Variants in PRIM2 observed in about 807,000 individuals in gnomAD.
The protein encoded by PRIM2 is DNA primase subunit 2, also known as DNA primase large subunit.
A neutral mutation model predicts 67.3 loss-of-function variants in PRIM2; 39 were observed. The ratio of observed to expected loss-of-function variants is 0.58; its 90% CI spans 0.45 to 0.76. The LOEUF (loss-of-function observed/expected upper bound fraction) is 0.76. Ranked by LOEUF, PRIM2 falls within the 30% of genes least tolerant of loss-of-function variation. The probability of loss-of-function intolerance (pLI) is 0.00; values close to 1 mark genes in which losing one functional copy is unlikely to be tolerated. For synonymous variants in PRIM2, 143 were observed against 198.7 expected, an observed-to-expected ratio of 0.72 and a Z score of 2.36; for missense variants, 398 against 598.7, an observed-to-expected ratio of 0.66 and a Z score of 3.50.
At chr6:57,618,150 G>C (rs1776787091) in intron 12 of PRIM2, among the ~76,000 whole-genome samples, 1 of 152,144 alleles carries the variant, frequency 6.6e-6, no homozygotes, top group African/African-American at 2.4e-5. Flanking sequence ...ACCTTGTACT[G>C]AGCTTTGAAA....
In PRIM2 at chr6:57,329,373, C is replaced by T. The variant is rs556609636; in HGVS notation, c.459+3328C>T. 2.2e-3 allele frequency among the ~76,000 whole-genome samples: 330 copies of T among 152,166 alleles called. 7 individuals are homozygous for T. The highest frequency in any genetic ancestry group is 3.4e-3 in the Middle Eastern group (1 of 294). ...CTTTTGCATGTAGATATCTAGTTGT[C>T]CCAGCATCATTTGTTGAAATAACCA... On this transcript the variant is annotated intron_variant, in intron 5 of 13. Transcript: ENST00000615550.
At chr6:57,588,155 G>T (rs1206143176) in intron 10 of PRIM2, among the ~76,000 whole-genome samples, 11 of 152,094 alleles carry the variant, frequency 7.2e-5, no homozygotes, top group Middle Eastern at 3.2e-3. Flanking sequence ...AAGACTCAGG[G>T]GTGGGTAGAA....
intron 7 of PRIM2, among the ~76,000 whole-genome samples, chr6:57,496,101 G>A (rs1201411378): frequency 6.6e-6 from 1 of 152,180 alleles, no homozygotes; most frequent in Admixed American, 6.5e-5. Context: ...CAAATTGGGG[G>A]AAAAAGAGTT....
intron 7 of PRIM2, among the ~76,000 whole-genome samples, chr6:57,462,828 A>G (rs1773052198): frequency 6.6e-6 from 1 of 152,184 alleles, no homozygotes; most frequent in South Asian, 2.1e-4. Flanking sequence ...ATTCCTCTTG[A>G]AAGTAGAGTC....
intron 10 of PRIM2, among the ~76,000 whole-genome samples, chr6:57,544,128 G>A (rs1775237104): frequency 6.6e-6 from 1 of 152,172 alleles, no homozygotes; most frequent in African/African-American, 2.4e-5. Flanking sequence ...CCTGAGTGGG[G>A]CTTCTGGCCG....
chr6:57,381,414 C>T (rs62418052), intron 6 of PRIM2, among the ~76,000 whole-genome samples: 6 of 151,996 alleles, frequency 3.9e-5, no homozygotes, highest in Non-Finnish European at 5.9e-5. Context: ...TATCATACTT[C>T]GCTCATCTCT....
rs56228565 is a variant in PRIM2 at position 57,380,742 on chromosome 6, C to T, written c.555+746C>T. On this transcript the variant is annotated intron_variant, in intron 6 of 13. Transcript: ENST00000615550. ...CCATCATTCAGTCAGCCTTTCAAGC[C>T]TAGAGTGTGGTGATCAATATTTATT... 7.5e-3 allele frequency among the ~76,000 whole-genome samples: 1,063 copies of T among 142,352 alleles called. 4 individuals are homozygous for T. Among genetic ancestry groups the T allele is most frequent in the East Asian group, 9.0e-3 (44 of 4,868 alleles). The allele number at this position is 142,352 out of a possible 152,430, so 93.4% of individuals were successfully genotyped here.
chr6:57,637,183 A>G (rs1777136564), intron 13 of PRIM2, among the ~76,000 whole-genome samples: 1 of 152,200 alleles, frequency 6.6e-6, no homozygotes, highest in Non-Finnish European at 1.5e-5. Context: ...TCAGAAGGAA[A>G]ATTAACAAAC....
At chr6:57,360,509 C>G (rs9370588) in intron 5 of PRIM2, among the ~76,000 whole-genome samples, 1 of 152,070 alleles carries the variant, frequency 6.6e-6, no homozygotes, top group South Asian at 2.1e-4. Flanking sequence ...TTTCGTAAGT[C>G]CAGGAAAGCA....
chr6:57,360,389 A>G (rs1005616451), intron 5 of PRIM2, among the ~76,000 whole-genome samples: 1 of 152,156 alleles, frequency 6.6e-6, no homozygotes, highest in African/African-American at 2.4e-5. Flanking sequence ...GGCTCTTGAT[A>G]TATGGAGTTT....
intron 7 of PRIM2, among the ~76,000 whole-genome samples, chr6:57,455,800 T>C (rs1183882882): frequency 6.6e-6 from 1 of 152,230 alleles, no homozygotes; most frequent in African/African-American, 2.4e-5. Flanking sequence ...AAAGTTAATA[T>C]TGTTATTTGT....
Position 57,585,404 on chromosome 6 carries a change from G to A in PRIM2, c.1021-15689G>A, listed in dbSNP as rs1272499568. Among the ~76,000 whole-genome samples, 212 of 152,328 alleles carry A rather than the reference G, an allele frequency of 1.4e-3. 5 individuals are homozygous for A. The East Asian group carries it at 0.019, about 14-fold the overall frequency. On this transcript the variant is annotated intron_variant, in intron 10 of 13. Coordinates refer to ENST00000615550, the MANE Select transcript of PRIM2 (RefSeq NM_000947.5). ...CTGTAATAGGGGAAGAGAGACCTTA[G>A]TATAGAACAGGGTTCAATTCTGAAT...
In PRIM2 at chr6:57,506,922, G is replaced by A. The variant is rs1255665173; in HGVS notation, c.694-465G>A. On this transcript the variant is annotated intron_variant, in intron 7 of 13. Coordinates refer to ENST00000615550, the MANE Select transcript of PRIM2 (RefSeq NM_000947.5). The stretch of plus-strand genomic sequence containing the variant: ...ATAGTCATGTGGCTGACAGAATAAA[G>A]TACATACACTTCTGTATGTAACCAG... 5.3e-5 allele frequency among the ~76,000 whole-genome samples: 8 copies of A among 152,150 alleles called. No homozygotes were observed. In the East Asian group the frequency reaches 1.5e-3, roughly 29 times the overall value.
At chr6:57,347,260 A>C (rs1768708764) in intron 5 of PRIM2, among the ~76,000 whole-genome samples, 1 of 152,034 alleles carries the variant, frequency 6.6e-6, no homozygotes, top group Non-Finnish European at 1.5e-5. Flanking sequence ...CCAGACTTGG[A>C]TGGGGTCCTT....
chr6:57,455,649 C>CTATATGTG (rs1772744684), intron 7 of PRIM2, among the ~76,000 whole-genome samples: 1 of 152,150 alleles, frequency 6.6e-6, no homozygotes, highest in East Asian at 1.9e-4. Flanking sequence ...GTAGATCTTC[C>CTATATGTG]TCCATCCCTT....
At chr6:57,639,642 G>C (rs2127501277) in intron 13 of PRIM2, among the ~76,000 whole-genome samples, 1 of 120,824 alleles carries the variant, frequency 8.3e-6, no homozygotes, top group South Asian at 2.6e-4. Context: ...AGAAGAAATG[G>C]ATACATTTCT....
intron 13 of PRIM2, among the ~76,000 whole-genome samples, chr6:57,639,138 T>G (rs1777180109): frequency 6.6e-6 from 1 of 152,190 alleles, no homozygotes; most frequent in African/African-American, 2.4e-5. Flanking sequence ...CTGAACAGTC[T>G]GCTCCTGAAT....
At chr6:57,571,354 A>G (rs1272271253) in intron 10 of PRIM2, among the ~76,000 whole-genome samples, 1 of 152,138 alleles carries the variant, frequency 6.6e-6, no homozygotes, top group Non-Finnish European at 1.5e-5. Context: ...ATACAGAACA[A>G]AAACAACAAT....
At chr6:57,434,202 A>G (rs758861) in intron 7 of PRIM2, among the ~76,000 whole-genome samples, 102,068 of 151,752 alleles carry the variant, frequency 0.67, 34,313 homozygotes, top group South Asian at 0.73. Flanking sequence ...TGGGATTACA[A>G]GTGTGAGCCA....
Sources: gnomAD v4.1 joint callset for allele counts (sites outside exome capture counted in the v4.1 genomes callset) on GRCh38, gnomAD v4.1.1 for gene constraint, MANE v1.5 for transcripts, NCBI Gene and HGNC (gene_info 2026-07-23, HGNC 2026-07-21) for gene names.